The following AMBRA1 variants were observed in gnomAD, a reference collection of about 807,000 sequenced individuals.
AMBRA1 encodes autophagy and beclin 1 regulator 1, also known as activating molecule in BECN1-regulated autophagy protein 1.
AMBRA1 carries 47 observed loss-of-function variants against 125.4 expected under a neutral mutation model. The observed-to-expected ratio is 0.37, with a 90% CI of 0.30 to 0.48. The LOEUF is 0.48. Ranked by LOEUF, AMBRA1 falls within the 20% of genes least tolerant of loss-of-function variation. The pLI is 0.99. For missense variants in AMBRA1, 1,331 were observed against 1,693.4 expected (o/e 0.79, Z 3.76); for synonymous variants, 626 against 655.5 (o/e 0.95, Z 0.69).
At chr11:46,500,104 C>T (rs899315027) in intron 9 of AMBRA1, among the ~76,000 whole-genome samples, 11 of 152,294 alleles carry the variant, frequency 7.2e-5, no homozygotes, top group Middle Eastern at 3.4e-3. Flanking sequence ...TAATAAATCA[C>T]AGCCTCAGCC....
At chr11:46,585,695 A>AAAAATATATATATATATATATATAT (rs1555017410) in intron 1 of AMBRA1, among the ~76,000 whole-genome samples, 1 of 22,910 alleles carries the variant, frequency 4.4e-5, no homozygotes, top group Non-Finnish European at 8.0e-5. Context: ...AAAAAAAAAA[A>AAAAATATATATATATATATATATAT]ATATATATAT....
rs143090334 is a variant in AMBRA1 at position 46,436,637 on chromosome 11, C to CAAAACA, written c.2633-1606_2633-1601dup. Among the ~76,000 whole-genome samples the CAAAACA allele has an allele frequency of 4.9e-3, 750 of 151,990 alleles. 1 individual carries two copies. Among genetic ancestry groups the CAAAACA allele is most frequent in the Middle Eastern group, 6.8e-3 (2 of 294 alleles). ...CTACTCAGGGTCCCAAGCCCTTTGC[C>CAAAACA]AAAACAAAAACAAAAACAAAAACAA... On this transcript the variant is annotated intron_variant, in intron 12 of 17. Coordinates refer to ENST00000683756, the MANE Select transcript of AMBRA1 (RefSeq NM_001387011.1).
At chr11:46,588,775 CAAAAAAAA>C (rs201030293) in intron 1 of AMBRA1, among the ~76,000 whole-genome samples, 1 of 97,984 alleles carries the variant, frequency 1.0e-5, no homozygotes, top group Non-Finnish European at 2.2e-5. Flanking sequence ...AACTCCATCT[CAAAAAAAA>C]AAAAAAAAAA....
At chr11:46,574,143 T>C (rs1160159017) in intron 1 of AMBRA1, among the ~76,000 whole-genome samples, 1 of 144,162 alleles carries the variant, frequency 6.9e-6, no homozygotes, top group Non-Finnish European at 1.5e-5. Flanking sequence ...CATGTGTCTT[T>C]ATAGCAGCAT....
At position 46,573,565 on chromosome 11, in the gene AMBRA1, T is replaced by A. The variant is rs181040571; in HGVS notation, c.-121+20263A>T. 3.2e-4 allele frequency among the ~76,000 whole-genome samples: 49 copies of A among 152,310 alleles called. No individual in the cohort carries two copies. The East Asian group carries it at 8.7e-3, about 27-fold the overall frequency. On this transcript the variant is annotated intron_variant, in intron 1 of 17. Transcript: ENST00000683756. ...CTGGCAGTTATGTAATTTAGCCATC[T>A]TTTCAATCTTTAGATTGGTTTAGCT... is the stretch of plus-strand genomic sequence containing the variant.
At chr11:46,592,957 T>TGTAGACAACAAGGTTATCAGGAAACAAA (rs1366181497) in intron 1 of AMBRA1, among the ~76,000 whole-genome samples, 22 of 151,592 alleles carry the variant, frequency 1.5e-4, no homozygotes, top group Non-Finnish European at 1.9e-4. Context: ...CAGGAAACAA[T>TGTAGACAACAAGGTTATCAGGAAACAAA]GTAGACAACA....
Position 46,434,848 on chromosome 11 carries a change from C to T in AMBRA1, c.2821+1G>A. On this transcript the variant is annotated splice_donor_variant, in intron 13 of 17. Transcript: ENST00000683756. LOFTEE classifies it high-confidence loss of function. ...ATTAGGTTGGGCTTCCTATCCCTTA[C>T]CAAATCGCTTGGTGTAGAGCATTTC... 1 of 1,590,456 alleles carries T rather than the reference C, an allele frequency of 6.3e-7. No individual in the cohort carries two copies. The highest frequency in any genetic ancestry group is 8.6e-7 in the Non-Finnish European group (1 of 1,168,584).
At chr11:46,442,712 AT>A (rs1256768814) in intron 12 of AMBRA1, among the ~76,000 whole-genome samples, 1 of 152,224 alleles carries the variant, frequency 6.6e-6, no homozygotes, top group African/African-American at 2.4e-5. Context: ...ATTGAGATGA[AT>A]AAAGATACGA....
chr11:46,483,541 C>G (rs1293447865), intron 11 of AMBRA1, among the ~76,000 whole-genome samples: 2 of 152,150 alleles, frequency 1.3e-5, no homozygotes, highest in Non-Finnish European at 2.9e-5. Flanking sequence ...TTGGAATAAA[C>G]GAGGCTGCTT....
At chr11:46,571,048 G>A (rs1310904795) in intron 1 of AMBRA1, among the ~76,000 whole-genome samples, 3 of 152,174 alleles carry the variant, frequency 2.0e-5, no homozygotes, top group Admixed American at 6.6e-5. Flanking sequence ...AAAGTGGCAT[G>A]GTTTGAAAAC....
chr11:46,405,594 C>T (rs1945971301), intron 17 of AMBRA1, among the ~76,000 whole-genome samples: 1 of 151,740 alleles, frequency 6.6e-6, no homozygotes, highest in East Asian at 2.0e-4. Flanking sequence ...GGCATGGTGG[C>T]ACACACCTGT....
intron 12 of AMBRA1, among the ~76,000 whole-genome samples, chr11:46,436,370 C>T (rs1947716721): frequency 6.6e-6 from 1 of 152,196 alleles, no homozygotes; most frequent in Non-Finnish European, 1.5e-5. Context: ...TCAAAAAAGG[C>T]ATTAGAATAC....
At chr11:46,568,803 C>CTTTTT (rs774631588) in intron 1 of AMBRA1, among the ~76,000 whole-genome samples, 4 of 96,474 alleles carry the variant, frequency 4.1e-5, no homozygotes, top group African/African-American at 9.2e-5. Flanking sequence ...TCAACCCTAC[C>CTTTTT]TTTTTTTTTT....
chr11:46,592,755 TAA>T (rs919779590), intron 1 of AMBRA1, among the ~76,000 whole-genome samples: 1 of 143,108 alleles, frequency 7.0e-6, no homozygotes, highest in Admixed American at 7.0e-5. Context: ...TAGCCTGTCT[TAA>T]AAAAAAAAAA....
At chr11:46,445,382 G>T (rs1948232692) in intron 11 of AMBRA1, among the ~76,000 whole-genome samples, 1 of 152,050 alleles carries the variant, frequency 6.6e-6, no homozygotes, top group African/African-American at 2.4e-5. Flanking sequence ...TGCTGTCAGT[G>T]AGTCCACTGA....
chr11:46,411,385 G>A (rs1459787183), intron 15 of AMBRA1, among the ~76,000 whole-genome samples: 6 of 151,262 alleles, frequency 4.0e-5, no homozygotes, highest in Non-Finnish European at 8.8e-5. Context: ...GAAGACGAGG[G>A]ACTGTGTCCC....
chr11:46,450,746 A>G (rs1206972588), intron 11 of AMBRA1, among the ~76,000 whole-genome samples: 1 of 152,194 alleles, frequency 6.6e-6, no homozygotes, highest in Non-Finnish European at 1.5e-5. Flanking sequence ...TACAGCCACA[A>G]GGAGATTTTT....
intron 17 of AMBRA1, among the ~76,000 whole-genome samples, chr11:46,404,225 G>A (rs1410042957): frequency 6.6e-6 from 1 of 152,190 alleles, no homozygotes; most frequent in Admixed American, 6.5e-5. Flanking sequence ...CTTGGTGCCT[G>A]TAGCAGGTGT....
At chr11:46,410,784 C>CA (rs1474475390) in intron 15 of AMBRA1, among the ~76,000 whole-genome samples, 2 of 152,194 alleles carry the variant, frequency 1.3e-5, no homozygotes, top group African/African-American at 2.4e-5. Context: ...CAGCCCTGCC[C>CA]AATGGGCATG....
Sources: allele counts gnomAD v4.1 joint callset (sites outside exome capture counted in the v4.1 genomes callset), GRCh38; gene constraint gnomAD v4.1.1; transcripts MANE v1.5; gene names NCBI Gene and HGNC (gene_info 2026-07-23, HGNC 2026-07-21).